The following SYK variants were observed in gnomAD, a reference collection of about 807,000 sequenced individuals.
SYK encodes the protein spleen associated tyrosine kinase, also known as tyrosine-protein kinase SYK.
In SYK, 16 loss-of-function variants were observed where a neutral mutation model predicts 77.8. The observed-to-expected ratio is 0.21, with a 90% CI of 0.14 to 0.31. The LOEUF is 0.31. Ranked by LOEUF, SYK falls within the 10% of genes least tolerant of loss-of-function variation. SYK has a pLI of 1.00. For synonymous variants in SYK, 312 were observed against 308.7 expected, an observed-to-expected ratio of 1.01 and a Z score of -0.11; for missense variants, 529 against 814.4, an observed-to-expected ratio of 0.65 and a Z score of 4.26.
Position 90,895,789 on chromosome 9 carries a change from G to A in SYK, c.*189G>A, listed in dbSNP as rs113175204. On this transcript the variant is annotated 3_prime_UTR_variant, in exon 14 of 14. Transcript: ENST00000375754. The surrounding 1 kb of genome is among the most constrained non-coding windows in gnomAD (Gnocchi z 4.4). The stretch of plus-strand genomic sequence containing the variant: ...CCCTCCACAAAGCAAAGGCAGTCCC[G>A]GGAGAAAAGACGGATGGCAGGATCC... 2.1e-4 allele frequency: 114 copies of A among 551,922 alleles called. No homozygotes were observed. The highest frequency in any genetic ancestry group is 1.4e-3 in the African/African-American group (77 of 53,248). 34.2% of individuals were successfully genotyped at this position (551,922 alleles called of 1,614,324 possible).
chr9:90,884,875 A>ACATGTGTG (rs1340765784), intron 11 of SYK, among the ~76,000 whole-genome samples: 1 of 18,006 alleles, frequency 5.6e-5, no homozygotes, highest in African/African-American at 4.4e-4. Context: ...ACATATATAC[A>ACATGTGTG]TATATACATA....
chr9:90,888,429 CCTT>C, intron 12 of SYK, 83 bp from the exon 13 acceptor site: 1 of 907,110 alleles, frequency 1.1e-6, no homozygotes, highest in East Asian at 2.7e-5. Context: ...AATGTGTACT[CCTT>C]CATGTCTTGG....
chr9:90,824,064 G>A (rs1290034702), intron 1 of SYK, among the ~76,000 whole-genome samples: 4 of 151,584 alleles, frequency 2.6e-5, no homozygotes, highest in Non-Finnish European at 5.9e-5. Context: ...TGAAGGAAAG[G>A]TCATAACTGT....
chr9:90,849,485 T>G lies in SYK; in HGVS notation c.578+3891T>G, dbSNP rs116185932. Reference sequence around the variant, plus strand: ...TTGCTTTCCACTTCCTGACATGTAGTAATACCACTGTAGTTCTGTATGGGG... The same window carrying G: ...TTGCTTTCCACTTCCTGACATGTAGGAATACCACTGTAGTTCTGTATGGGG... On this transcript the variant is annotated intron_variant, in intron 3 of 13. Coordinates refer to ENST00000375754, the MANE Select transcript of SYK (RefSeq NM_003177.7). 3.5e-3 allele frequency among the ~76,000 whole-genome samples: 530 copies of G among 152,310 alleles called. 2 individuals carry two copies. The highest frequency in any genetic ancestry group is 0.012 in the African/African-American group (504 of 41,558).
At chr9:90,845,726 A>C (rs1185608715) in intron 3 of SYK, 132 bp downstream of exon 3, 5 of 1,034,008 alleles carry the variant, frequency 4.8e-6, no homozygotes, top group Non-Finnish European at 6.9e-6. Flanking sequence ...GACAACATGC[A>C]TGCTGGCCTG....
At chr9:90,851,750 T>G (rs1826832563) in intron 3 of SYK, among the ~76,000 whole-genome samples, 1 of 152,176 alleles carries the variant, frequency 6.6e-6, no homozygotes, top group Non-Finnish European at 1.5e-5. Context: ...AAAATGAATT[T>G]GTTAGGAAAA....
intron 11 of SYK, among the ~76,000 whole-genome samples, chr9:90,886,966 G>A (rs2118964065): frequency 6.6e-6 from 1 of 152,212 alleles, no homozygotes; most frequent in South Asian, 2.1e-4. Context: ...GTTACTTAGG[G>A]TACACCCTAT....
At position 90,864,608 on chromosome 9, in the gene SYK, A is replaced by G. The variant is rs184127752; in HGVS notation, c.737A>G (p.Tyr246Cys). ...TTTCAGCTAGTCGAGCATTATTCTTATAAAGCAGATGGTTTGTTAAGAGTT... is the reference window on the plus strand; with the variant it reads ...TTTCAGCTAGTCGAGCATTATTCTTGTAAAGCAGATGGTTTGTTAAGAGTT... ...TLWQLVEHYS[Y>C]KADGLLRVLT... Residue 246 changes from tyrosine to cysteine, a missense_variant, in exon 5 of 14, where the codon TAT (tyrosine) becomes TGT (cysteine). Tyr to Cys is a radical substitution (Grantham distance 194). Transcript: ENST00000375754. The G allele has an allele frequency of 2.1e-5, 34 of 1,614,180 alleles. No homozygotes were observed. The East Asian group carries it at 7.4e-4, about 35-fold the overall frequency.
chr9:90,817,842 ATGT>A (rs1334446061), intron 1 of SYK, among the ~76,000 whole-genome samples: 2 of 112,338 alleles, frequency 1.8e-5, no homozygotes, highest in African/African-American at 6.8e-5. Flanking sequence ...CTTCTCAATA[ATGT>A]TGTGTGTGTG....
chr9:90,880,248 G>A (rs1198842607), intron 11 of SYK, among the ~76,000 whole-genome samples: 4 of 152,276 alleles, frequency 2.6e-5, no homozygotes, highest in African/African-American at 9.6e-5. Context: ...GGTGGACCTC[G>A]GCCAGCAAAG....
At chr9:90,841,571 G>C (rs1481674086) in intron 1 of SYK, among the ~76,000 whole-genome samples, 1 of 138,214 alleles carries the variant, frequency 7.2e-6, no homozygotes, top group East Asian at 3.3e-4. Flanking sequence ...TGTGTGTGAT[G>C]TGTGTAGTGT....
intron 11 of SYK, among the ~76,000 whole-genome samples, chr9:90,882,931 G>A (rs1019410917): frequency 3.3e-5 from 5 of 152,106 alleles, no homozygotes; most frequent in Non-Finnish European, 7.4e-5. Context: ...CAATCCTAGC[G>A]ACAGAAGAAC....
chr9:90,822,455 T>C (rs114301940), intron 1 of SYK, among the ~76,000 whole-genome samples: 2,381 of 152,324 alleles, frequency 0.016, 65 homozygotes, highest in African/African-American at 0.054. Flanking sequence ...AGCAAGCCCA[T>C]TGAATTCTCA....
At chr9:90,865,561 G>C (rs112621333) in intron 6 of SYK, among the ~76,000 whole-genome samples, 2,264 of 151,944 alleles carry the variant, frequency 0.015, 61 homozygotes, top group African/African-American at 0.052. Context: ...CTCCTGCTTC[G>C]ACCTCCCAAA....
At chr9:90,869,235 A>C (rs1276119141) in intron 7 of SYK, among the ~76,000 whole-genome samples, 1 of 152,192 alleles carries the variant, frequency 6.6e-6, no homozygotes, top group Non-Finnish European at 1.5e-5. Flanking sequence ...TAAATAGTAG[A>C]GAGTAATTAA....
intron 7 of SYK, 123 bp from the exon 8 acceptor site, chr9:90,874,081 C>T (rs1456028874): frequency 1.5e-5 from 12 of 809,442 alleles, no homozygotes; most frequent in Admixed American, 7.7e-5. Flanking sequence ...TTTCGTAATT[C>T]TTTCCTTTGT....
Position 90,861,533 on chromosome 9 carries a change from GC to G in SYK, c.579-671del, listed in dbSNP as rs1262999932. Among the ~76,000 whole-genome samples, 9 of 36,036 alleles carry G rather than the reference GC, an allele frequency of 2.5e-4. No homozygotes were observed. The South Asian group carries it at 9.0e-3, about 36-fold the overall frequency. The allele number at this position is 36,036 out of a possible 152,430, so 23.6% of individuals were successfully genotyped here. A position where few individuals can be genotyped will look rare whatever the true frequency, so the allele number is the denominator to read the frequency against. On this transcript the variant is annotated intron_variant, in intron 3 of 13. Transcript: ENST00000375754. ...ATTGGGAGCTTGGAAGTCCAGCCCT[GC>G]CTCCCTTTCCTGCAGTGGGAGAGTG...
At chr9:90,802,144 C>G (rs889522098) in intron 1 of SYK, 1 of 152,156 alleles carries the variant, frequency 6.6e-6, no homozygotes, top group South Asian at 2.1e-4. Flanking sequence ...GAGGTCAGAC[C>G]GTGCGGAAAG....
intron 3 of SYK, among the ~76,000 whole-genome samples, chr9:90,861,117 TA>T (rs1827240297): frequency 6.6e-6 from 1 of 152,170 alleles, no homozygotes; most frequent in Non-Finnish European, 1.5e-5. Context: ...ACTACGAAGC[TA>T]AACTGGGGGA....
Sources: gnomAD v4.1 joint callset for allele counts (sites outside exome capture counted in the v4.1 genomes callset) on GRCh38, gnomAD v4.1.1 for gene constraint, Gnocchi (gnomAD v3.1) non-coding constraint, MANE v1.5 for transcripts, NCBI Gene and HGNC (gene_info 2026-07-23, HGNC 2026-07-21) for gene names.